The following SHISA9 variants were observed in gnomAD, a reference collection of about 807,000 sequenced individuals.
SHISA9 encodes the protein protein shisa-9.
SHISA9 carries 13 observed loss-of-function variants against 38.0 expected under a neutral mutation model. That is an observed-to-expected ratio of 0.34 (90% CI 0.22 to 0.54). The LOEUF is 0.54. Among genes scored for constraint, SHISA9 ranks in the 20% least tolerant of loss-of-function variants. SHISA9 has a pLI of 0.91. For synonymous variants in SHISA9, 275 were observed against 242.0 expected, an observed-to-expected ratio of 1.14 and a Z score of -1.27; for missense variants, 538 against 575.8, an observed-to-expected ratio of 0.93 and a Z score of 0.67.
chr16:13,244,034 G>A (rs534389637), downstream of SHISA9, among the ~76,000 whole-genome samples: 11 of 152,228 alleles, frequency 7.2e-5, no homozygotes, highest in South Asian at 2.1e-3. Context: ...GCCTCCCAAA[G>A]TGCTGGGATT....
At chr16:12,902,849 CGTGTGTGT>C (rs3974950) in intron 1 of SHISA9, 2 of 492,980 alleles carry the variant, frequency 4.1e-6, no homozygotes, top group African/African-American at 2.0e-5. Context: ...TGTGTGTGAG[CGTGTGTGT>C]GTGTGTGTGT....
At chr16:13,081,104 C>T (rs1267583914) in intron 2 of SHISA9, among the ~76,000 whole-genome samples, 1 of 152,228 alleles carries the variant, frequency 6.6e-6, no homozygotes, top group Non-Finnish European at 1.5e-5. Context: ...CAAAAACATT[C>T]AAATCATAGC....
At chr16:13,562,976 T>C in the SHISA9 span, 4 of 152,230 alleles carry the variant, frequency 2.6e-5, no homozygotes, top group Non-Finnish European at 5.9e-5. Context: ...TGGTGGAACG[T>C]AAAGTGTTCT....
chr16:13,399,954 G>A, the SHISA9 span, among the ~76,000 whole-genome samples: 1 of 152,228 alleles, frequency 6.6e-6, no homozygotes, highest in East Asian at 1.9e-4. Context: ...CCTGGAAGGT[G>A]CCTAGCACAG....
the SHISA9 span, among the ~76,000 whole-genome samples, chr16:13,507,161 G>A: frequency 3.3e-5 from 5 of 151,702 alleles, no homozygotes; most frequent in Non-Finnish European, 5.9e-5. Flanking sequence ...TTGTTCTATA[G>A]GGTAGATCCA....
At chr16:13,463,279 T>G in the SHISA9 span, among the ~76,000 whole-genome samples, 5 of 152,142 alleles carry the variant, frequency 3.3e-5, no homozygotes, top group Non-Finnish European at 5.9e-5. Flanking sequence ...AGTTCAATCC[T>G]GAGGAAAGTG....
chr16:13,080,156 G>A lies in SHISA9; in HGVS notation c.692-123238G>A, dbSNP rs568109747. On this transcript the variant is annotated intron_variant, in intron 2 of 4. Transcript: ENST00000558583. The stretch of plus-strand genomic sequence containing the variant: ...TGGGAGGCCGAGGCAGGAGGATCAC[G>A]AGGTCAGGAGATTGAGACCATCCTG... Among the ~76,000 whole-genome samples the A allele has an allele frequency of 8.7e-4, 133 of 152,112 alleles. 1 individual carries two copies. Among genetic ancestry groups the A allele is most frequent in the Middle Eastern group, 6.8e-3 (2 of 294 alleles).
Position 12,902,185 on chromosome 16 carries a change from C to T in SHISA9, c.121C>T (p.Leu41=). 6.5e-7 allele frequency: 1 copy of T among 1,530,178 alleles called. No homozygotes were observed. Among genetic ancestry groups the T allele is most frequent in the Non-Finnish European group, 8.7e-7 (1 of 1,143,604 alleles). 94.8% of individuals were successfully genotyped at this position (1,530,178 alleles called of 1,614,324 possible). A position where few individuals can be genotyped will look rare whatever the true frequency, so the allele number is the denominator to read the frequency against. ...QLAQLGGVLL[L]AGGNRSGAAS... ...GGCGCAACTGGGCGGCGTGTTGCTG[C>T]TGGCGGGGGGCAACCGCTCCGGGGC... is the stretch of plus-strand genomic sequence containing the variant. Residue 41 remains leucine (L), a synonymous_variant, in exon 1 of 5, where the codon CTG becomes TTG. Transcript: ENST00000558583.
chr16:13,357,348 G>GTGGCGCTGAGATTGAAGTT, the SHISA9 span, among the ~76,000 whole-genome samples: 1 of 152,198 alleles, frequency 6.6e-6, no homozygotes, highest in African/African-American at 2.4e-5. Flanking sequence ...AGATTGAAGT[G>GTGGCGCTGAGATTGAAGTT]TGGCGCTAAG....
At chr16:13,232,343 A>C (rs966365060) in intron 4 of SHISA9, among the ~76,000 whole-genome samples, 1 of 152,214 alleles carries the variant, frequency 6.6e-6, no homozygotes, top group Non-Finnish European at 1.5e-5. Flanking sequence ...ATGAAAAACA[A>C]ATAAGAAAAG....
chr16:13,367,708 GCGCGCACACACACACACA>G, the SHISA9 span, among the ~76,000 whole-genome samples: 16 of 116,670 alleles, frequency 1.4e-4, no homozygotes, highest in South Asian at 2.3e-3. Context: ...GCGCGCGCGC[GCGCGCACACACACACACA>G]CACACACACA....
At chr16:13,001,419 C>T (rs2072524455) in intron 2 of SHISA9, among the ~76,000 whole-genome samples, 2 of 152,178 alleles carry the variant, frequency 1.3e-5, no homozygotes. Flanking sequence ...TTCTCCTCTC[C>T]TGAGACCCCC....
intron 2 of SHISA9, among the ~76,000 whole-genome samples, chr16:13,124,747 A>T (rs867546534): frequency 6.6e-6 from 1 of 152,226 alleles, no homozygotes; most frequent in Admixed American, 6.5e-5. Context: ...CCAAAATAGC[A>T]TGGCACTGGC....
At chr16:13,554,733 C>T in the SHISA9 span, among the ~76,000 whole-genome samples, 4 of 152,166 alleles carry the variant, frequency 2.6e-5, no homozygotes, top group Non-Finnish European at 5.9e-5. Flanking sequence ...CTCAGGTGAT[C>T]CACCTGCTTC....
intron 2 of SHISA9, among the ~76,000 whole-genome samples, chr16:12,980,833 G>T (rs1207411553): frequency 6.6e-6 from 1 of 151,436 alleles, no homozygotes; most frequent in Admixed American, 6.6e-5. Context: ...TCCATTTTGT[G>T]TCCATTATCC....
chr16:13,120,634 T>TGA (rs553381574), intron 2 of SHISA9, among the ~76,000 whole-genome samples: 118 of 152,160 alleles, frequency 7.8e-4, no homozygotes, highest in Middle Eastern at 3.4e-3. Context: ...AGGAAAATGC[T>TGA]GAGAGAGAGA....
intron 2 of SHISA9, among the ~76,000 whole-genome samples, chr16:13,189,518 T>A (rs2050862150): frequency 6.6e-6 from 1 of 152,220 alleles, no homozygotes; most frequent in Admixed American, 6.5e-5. Context: ...ATTGTTATAC[T>A]TAGAGATATG....
chr16:13,047,104 G>C (rs898585664), intron 2 of SHISA9, among the ~76,000 whole-genome samples: 1 of 152,158 alleles, frequency 6.6e-6, no homozygotes, highest in African/African-American at 2.4e-5. Context: ...ACCGAAAAAG[G>C]CTAGAAGTTT....
intron 2 of SHISA9, among the ~76,000 whole-genome samples, chr16:13,173,509 C>T (rs1247361985): frequency 3.3e-5 from 5 of 152,180 alleles, no homozygotes; most frequent in East Asian, 1.9e-4. Flanking sequence ...TGTTTCTGCC[C>T]GCGTGGACCT....
Sources: gnomAD v4.1 joint callset for allele counts (sites outside exome capture counted in the v4.1 genomes callset) on GRCh38, gnomAD v4.1.1 for gene constraint, MANE v1.5 for transcripts, NCBI Gene and HGNC (gene_info 2026-07-23, HGNC 2026-07-21) for gene names.